DLC1: variants seen among roughly 807,000 people sequenced by gnomAD.
DLC1 encodes rho GTPase-activating protein 7.
DLC1 carries 54 observed loss-of-function variants against 140.3 expected under a neutral mutation model. The observed-to-expected ratio is 0.38, with a 90% CI of 0.31 to 0.48. The LOEUF (loss-of-function observed/expected upper bound fraction) is 0.48. Ranked by LOEUF, DLC1 falls within the 20% of genes least tolerant of loss-of-function variation. DLC1 has a pLI of 0.96. For synonymous variants in DLC1, 986 were observed against 728.1 expected, an observed-to-expected ratio of 1.35 and a Z score of -5.70; for missense variants, 2,536 against 1,907.0, an observed-to-expected ratio of 1.33 and a Z score of -6.14.
chr8:13,362,356 TGAG>T (rs1290621140), intron 4 of DLC1, among the ~76,000 whole-genome samples: 1 of 152,142 alleles, frequency 6.6e-6, no homozygotes, highest in African/African-American at 2.4e-5. Flanking sequence ...CATCTGCCAA[TGAG>T]GAGGCAGCAA....
intron 1 of DLC1, among the ~76,000 whole-genome samples, chr8:13,514,252 C>T (rs1162247803): frequency 6.6e-6 from 1 of 152,148 alleles, no homozygotes; most frequent in Admixed American, 6.5e-5. Flanking sequence ...TTACACCTCA[C>T]ACTGATGTGT....
At chr8:13,189,500 A>C (rs140809277) in intron 5 of DLC1, among the ~76,000 whole-genome samples, 125 of 152,236 alleles carry the variant, frequency 8.2e-4, no homozygotes, top group African/African-American at 2.9e-3. Context: ...GTGTAGTGAC[A>C]ATACTCAGGC....
intron 4 of DLC1, among the ~76,000 whole-genome samples, chr8:13,347,275 C>G (rs1369431571): frequency 1.3e-5 from 2 of 152,184 alleles, no homozygotes; most frequent in African/African-American, 4.8e-5. Flanking sequence ...GTCCATATCT[C>G]TATCTTGCTT....
intron 10 of DLC1, among the ~76,000 whole-genome samples, chr8:13,097,249 TTTA>T (rs149250885): frequency 8.8e-5 from 13 of 147,006 alleles, no homozygotes; most frequent in South Asian, 2.2e-4. Flanking sequence ...CACATCCAAA[TTTA>T]TTATTATTAT....
chr8:13,147,495 T>C (rs1376583177), intron 5 of DLC1, among the ~76,000 whole-genome samples: 1 of 152,228 alleles, frequency 6.6e-6, no homozygotes, highest in East Asian at 1.9e-4. Context: ...TGGCTGATAC[T>C]GACCATGTGA....
chr8:13,576,695 C>G, intron 1 of DLC1, among the ~76,000 whole-genome samples: 1 of 152,050 alleles, frequency 6.6e-6, no homozygotes, highest in East Asian at 1.9e-4. Context: ...ATTTGCGTGT[C>G]CTCAGTGAGT....
chr8:13,571,445 T>C (rs996092467), intron 1 of DLC1, among the ~76,000 whole-genome samples: 1 of 152,232 alleles, frequency 6.6e-6, no homozygotes, highest in Non-Finnish European at 1.5e-5. Context: ...AGATACTTCA[T>C]ATCAGTGCAA....
intron 5 of DLC1, among the ~76,000 whole-genome samples, chr8:13,274,796 C>G (rs887695175): frequency 4.4e-5 from 6 of 137,754 alleles, no homozygotes; most frequent in African/African-American, 1.3e-4. Flanking sequence ...TTTGCATTAT[C>G]TTTAGTAAGA....
At chr8:13,453,863 G>A (rs1799269049) in intron 2 of DLC1, among the ~76,000 whole-genome samples, 1 of 151,874 alleles carries the variant, frequency 6.6e-6, no homozygotes, top group Admixed American at 6.6e-5. Flanking sequence ...TATGCATATT[G>A]TTTAAGTAAA....
intron 1 of DLC1, among the ~76,000 whole-genome samples, chr8:13,527,455 A>G (rs1474417654): frequency 6.6e-6 from 1 of 152,126 alleles, no homozygotes; most frequent in African/African-American, 2.4e-5. Flanking sequence ...ATCCATTGTT[A>G]TACTATCTTT....
chr8:13,137,288 G>C (rs1256838896), intron 5 of DLC1, among the ~76,000 whole-genome samples: 3 of 152,102 alleles, frequency 2.0e-5, no homozygotes, highest in Non-Finnish European at 4.4e-5. Context: ...GTTAATGTTA[G>C]ATAACGTTAG....
In DLC1 at chr8:13,099,332, G is replaced by A. The variant is rs765200888; in HGVS notation, c.2990+15C>T. On this transcript the variant is annotated intron_variant, in intron 9 of 17. Transcript: ENST00000276297. ...CCCAGTGCCCCACACCCGGAGGCAG[G>A]AGAAAAGTTCTTACCTGTTGGACCT... 2.5e-6 allele frequency: 4 copies of A among 1,606,284 alleles called. No individual in the cohort carries two copies. Among genetic ancestry groups the A allele is most frequent in the South Asian group, 2.2e-5 (2 of 89,792 alleles).
At chr8:13,496,597 T>C (rs200099683) in intron 2 of DLC1, among the ~76,000 whole-genome samples, 194 of 74,808 alleles carry the variant, frequency 2.6e-3, no homozygotes, top group East Asian at 6.6e-3. Context: ...CACACACACA[T>C]ACCTACACAC....
At chr8:13,301,488 T>C (rs1832188027) in intron 5 of DLC1, among the ~76,000 whole-genome samples, 1 of 152,214 alleles carries the variant, frequency 6.6e-6, no homozygotes, top group East Asian at 1.9e-4. Flanking sequence ...TTTTGGGACT[T>C]AGTTTGTACC....
chr8:13,228,229 G>T (rs1828883842), intron 5 of DLC1, among the ~76,000 whole-genome samples: 1 of 151,592 alleles, frequency 6.6e-6, no homozygotes, highest in Admixed American at 6.6e-5. Context: ...CAAACAGATG[G>T]TTCTGAAATA....
At chr8:13,508,787 A>G (rs1018499016) in intron 1 of DLC1, among the ~76,000 whole-genome samples, 1 of 152,118 alleles carries the variant, frequency 6.6e-6, no homozygotes, top group African/African-American at 2.4e-5. Context: ...TAAGTATGCA[A>G]TCTTCTTAAT....
chr8:13,136,822 A>C (rs1249183087), intron 5 of DLC1, among the ~76,000 whole-genome samples: 2 of 152,212 alleles, frequency 1.3e-5, no homozygotes, highest in Non-Finnish European at 2.9e-5. Flanking sequence ...GGTGTGAGCC[A>C]CCACACCTGG....
chr8:13,267,223 T>G (rs1029794571), intron 5 of DLC1, among the ~76,000 whole-genome samples: 1 of 152,208 alleles, frequency 6.6e-6, no homozygotes, highest in Non-Finnish European at 1.5e-5. Context: ...GGCATACTTT[T>G]AGACCTGAAA....
At chr8:13,234,268 A>T (rs903050796) in intron 5 of DLC1, among the ~76,000 whole-genome samples, 3 of 152,180 alleles carry the variant, frequency 2.0e-5, no homozygotes, top group Non-Finnish European at 4.4e-5. Flanking sequence ...TGCTGTAGTT[A>T]CTTTTCATGT....
Sources: gnomAD v4.1 joint callset for allele counts (sites outside exome capture counted in the v4.1 genomes callset) on GRCh38, gnomAD v4.1.1 for gene constraint, MANE v1.5 for transcripts, NCBI Gene and HGNC (gene_info 2026-07-23, HGNC 2026-07-21) for gene names.